Variants in AFG1L observed in about 807,000 individuals in gnomAD.
AFG1L encodes the protein AFG1-like ATPase.
Under a neutral mutation model 62.2 loss-of-function variants are expected in AFG1L, and 53 were observed. The ratio of observed to expected loss-of-function variants is 0.85; its 90% CI spans 0.68 to 1.07. AFG1L has a LOEUF of 1.07. Among genes scored for constraint, AFG1L ranks in the 50% least tolerant of loss-of-function variants. The probability of loss-of-function intolerance (pLI) is 0.00; values close to 1 mark genes in which losing one functional copy is unlikely to be tolerated. For synonymous variants in AFG1L, 228 were observed against 210.3 expected (o/e 1.08, Z -0.73); for missense variants, 555 against 590.5 (o/e 0.94, Z 0.62).
At chr6:108,298,064 A>G (rs188061939) in intron 1 of AFG1L, among the ~76,000 whole-genome samples, 2 of 152,172 alleles carry the variant, frequency 1.3e-5, no homozygotes, top group Admixed American at 1.3e-4. Context: ...TTTATAGATG[A>G]ATAAACAAGG....
chr6:108,393,862 T>C (rs1238798735), intron 6 of AFG1L, among the ~76,000 whole-genome samples: 1 of 152,166 alleles, frequency 6.6e-6, no homozygotes, highest in East Asian at 1.9e-4. Context: ...AGTTGACATA[T>C]AATAGGCTGC....
intron 2 of AFG1L, among the ~76,000 whole-genome samples, chr6:108,329,138 G>A (rs1778171755): frequency 7.3e-6 from 1 of 136,814 alleles, no homozygotes; most frequent in South Asian, 2.6e-4. Context: ...ACAGGGTCTT[G>A]CCATGTTGCC....
At chr6:108,395,800 G>A (rs1454728962) in intron 6 of AFG1L, among the ~76,000 whole-genome samples, 2 of 151,502 alleles carry the variant, frequency 1.3e-5, no homozygotes, top group Admixed American at 6.6e-5. Flanking sequence ...GAGGGAGGGA[G>A]GGAAGGAGAG....
chr6:108,491,079 A>T (rs1293146833), intron 10 of AFG1L, among the ~76,000 whole-genome samples: 1 of 152,242 alleles, frequency 6.6e-6, no homozygotes, highest in Non-Finnish European at 1.5e-5. Context: ...AAAGTATTTT[A>T]TATGTGTGTA....
chr6:108,335,520 A>G (rs550608563), intron 2 of AFG1L, among the ~76,000 whole-genome samples: 4 of 152,348 alleles, frequency 2.6e-5, no homozygotes, highest in African/African-American at 9.6e-5. Flanking sequence ...ATCAGTTTTT[A>G]GCTAACCCTG....
chr6:108,339,458 A>ATT (rs538205129), intron 2 of AFG1L, among the ~76,000 whole-genome samples: 32 of 132,446 alleles, frequency 2.4e-4, no homozygotes, highest in Non-Finnish European at 3.4e-4. Flanking sequence ...AATTCTTTAA[A>ATT]TTTTTTTTTT....
At chr6:108,319,848 T>A in intron 1 of AFG1L, 1 of 402,208 alleles carries the variant, frequency 2.5e-6, no homozygotes, top group South Asian at 1.9e-5. Flanking sequence ...CTGTGGATGG[T>A]AGTCTCAGGC....
chr6:108,424,437 T>TA (rs1562152593), intron 7 of AFG1L, among the ~76,000 whole-genome samples: 1 of 152,018 alleles, frequency 6.6e-6, no homozygotes, highest in African/African-American at 2.4e-5. Context: ...TATACTCTTG[T>TA]AAAATGAAGT....
intron 3 of AFG1L, among the ~76,000 whole-genome samples, chr6:108,355,141 A>G (rs186945717): frequency 1.6e-3 from 215 of 136,542 alleles, no homozygotes; most frequent in African/African-American, 5.4e-3. Flanking sequence ...GGGTCTCGCT[A>G]TGTTTCCCAG....
intron 10 of AFG1L, among the ~76,000 whole-genome samples, chr6:108,494,855 A>G (rs1185597309): frequency 6.7e-6 from 1 of 149,620 alleles, no homozygotes; most frequent in Non-Finnish European, 1.5e-5. Flanking sequence ...ACTGCAACCT[A>G]CGCCTCCCAG....
chr6:108,520,276 A>G (rs1341816066), intron 12 of AFG1L: 1 of 153,334 alleles, frequency 6.5e-6, no homozygotes, highest in Admixed American at 6.4e-5. Context: ...GTGCCTAGCA[A>G]GGCCCCAGGC....
intron 6 of AFG1L, among the ~76,000 whole-genome samples, chr6:108,389,666 G>C (rs192809609): frequency 6.6e-6 from 1 of 152,026 alleles, no homozygotes; most frequent in Non-Finnish European, 1.5e-5. Context: ...TGAAATTCTG[G>C]GTTGAAAATT....
chr6:108,513,135 G>A (rs536538323), intron 11 of AFG1L, among the ~76,000 whole-genome samples: 121 of 152,262 alleles, frequency 7.9e-4, no homozygotes, highest in Admixed American at 2.5e-3. Context: ...TTGTATGGTG[G>A]AGCCAAGATG....
chr6:108,479,486 G>C (rs1009887548), intron 10 of AFG1L, among the ~76,000 whole-genome samples: 1 of 152,192 alleles, frequency 6.6e-6, no homozygotes, highest in Non-Finnish European at 1.5e-5. Context: ...CGTGATAAGT[G>C]GGGTTAGGTC....
intron 7 of AFG1L, among the ~76,000 whole-genome samples, chr6:108,402,763 G>C (rs1417891412): frequency 6.6e-6 from 1 of 151,722 alleles, no homozygotes; most frequent in Non-Finnish European, 1.5e-5. Context: ...GTTTCCTTCA[G>C]GTTAATGGCC....
At chr6:108,397,558 T>G (rs1299665066) in intron 6 of AFG1L, among the ~76,000 whole-genome samples, 1 of 152,134 alleles carries the variant, frequency 6.6e-6, no homozygotes, top group East Asian at 1.9e-4. Context: ...CGCTCCGCCT[T>G]TTTTATTCTT....
intron 6 of AFG1L, among the ~76,000 whole-genome samples, chr6:108,379,421 A>G (rs1395584546): frequency 6.6e-6 from 1 of 152,194 alleles, no homozygotes; most frequent in Non-Finnish European, 1.5e-5. Flanking sequence ...GTTTGGGTAT[A>G]TACTTGATCC....
In AFG1L at chr6:108,346,346, C is replaced by T. The variant is rs906011876; in HGVS notation, c.364-642C>T. 3.3e-5 allele frequency among the ~76,000 whole-genome samples: 5 copies of T among 151,980 alleles called. No individual in the cohort carries two copies. In the East Asian group the frequency reaches 7.7e-4, roughly 23 times the overall value. ...TCCCCATTCCTTCCTCCCTCCAGCC[C>T]CTGGCAACCCCTTTTTCTACTTTTT... On this transcript the variant is annotated intron_variant, in intron 2 of 12. Transcript: ENST00000368977.
intron 7 of AFG1L, among the ~76,000 whole-genome samples, chr6:108,422,688 C>T (rs1770656067): frequency 6.6e-6 from 1 of 151,850 alleles, no homozygotes; most frequent in African/African-American, 2.4e-5. Context: ...ATCTACCCTT[C>T]AAATACTTCA....
Sources: gnomAD v4.1 joint callset for allele counts (sites outside exome capture counted in the v4.1 genomes callset) on GRCh38, gnomAD v4.1.1 for gene constraint, MANE v1.5 for transcripts, NCBI Gene and HGNC (gene_info 2026-07-23, HGNC 2026-07-21) for gene names.